Variants in SLC9A7 observed in about 807,000 individuals in gnomAD.
SLC9A7 encodes the protein solute carrier family 9 member A7.
A neutral mutation model predicts 52.6 loss-of-function variants in SLC9A7; 19 were observed. The observed-to-expected ratio is 0.36, with a 90% CI of 0.25 to 0.53. The LOEUF (loss-of-function observed/expected upper bound fraction) is 0.53, where lower values mean the gene tolerates loss of function less well. Among genes scored for constraint, SLC9A7 ranks in the 20% least tolerant of loss-of-function variants. The pLI, the probability that SLC9A7 is intolerant of heterozygous loss-of-function variation, is 0.91. For missense variants in SLC9A7, 455 were observed against 597.9 expected, an observed-to-expected ratio of 0.76 and a Z score of 2.49; for synonymous variants, 226 against 252.1, an observed-to-expected ratio of 0.90 and a Z score of 0.98.
At chrX:46,707,042 C>T (rs984802511) in intron 1 of SLC9A7, among the ~76,000 whole-genome samples, 1 of 111,561 alleles carries the variant, frequency 9.0e-6, no homozygotes, top group Non-Finnish European at 1.9e-5. Flanking sequence ...CACCCAGCCT[C>T]AGGTAAACTT....
chrX:46,694,982 C>T (rs1944429760), intron 1 of SLC9A7, among the ~76,000 whole-genome samples: 3 of 111,896 alleles, frequency 2.7e-5, no homozygotes, highest in South Asian at 7.4e-4. Flanking sequence ...CACAAAAATG[C>T]CACATATTGT....
Position 46,683,979 on chromosome X carries a change from A to G in SLC9A7, c.326-1444T>C, listed in dbSNP as rs770791995. Among the ~76,000 whole-genome samples the G allele has an allele frequency of 1.9e-3, 215 of 111,922 alleles. 1 individual carries two copies. The highest frequency in any genetic ancestry group is 3.3e-3 in the Non-Finnish European group (174 of 53,207). ...ATTGTTGAATAGCAAATAAAATATA[A>G]AATCTAGAAAAATATAGTTCTTTGA... is the stretch of plus-strand genomic sequence containing the variant. On this transcript the variant is annotated intron_variant, in intron 1 of 16. Transcript: ENST00000616978.
intron 1 of SLC9A7, among the ~76,000 whole-genome samples, chrX:46,709,183 C>T (rs1944650826): frequency 1.8e-5 from 2 of 110,986 alleles, no homozygotes; most frequent in East Asian, 2.8e-4. Context: ...GCAGGAGGAT[C>T]ACTTGAGCCC....
intron 1 of SLC9A7, among the ~76,000 whole-genome samples, chrX:46,753,883 G>A (rs1922420598): frequency 9.1e-6 from 1 of 110,067 alleles, no homozygotes; most frequent in Admixed American, 9.7e-5. Context: ...CTACTCTGGA[G>A]GCTGAGGCAG....
chrX:46,679,099 T>C (rs1944169804), intron 3 of SLC9A7, among the ~76,000 whole-genome samples: 1 of 112,061 alleles, frequency 8.9e-6, no homozygotes, highest in African/African-American at 3.2e-5. Context: ...TTGTCATTTC[T>C]ACAATGTTAT....
At chrX:46,757,782 A>G (rs2147042822) in intron 1 of SLC9A7, among the ~76,000 whole-genome samples, 1 of 110,518 alleles carries the variant, frequency 9.0e-6, no homozygotes, top group South Asian at 3.9e-4. Flanking sequence ...AGGAAGAGGG[A>G]TGACTCAGAT....
intron 7 of SLC9A7, among the ~76,000 whole-genome samples, chrX:46,659,950 C>A (rs1050686296): frequency 9.0e-6 from 1 of 110,716 alleles, no homozygotes; most frequent in Non-Finnish European, 1.9e-5. Context: ...GGAGGCATCA[C>A]GCTACCTGAC....
intron 3 of SLC9A7, among the ~76,000 whole-genome samples, chrX:46,672,920 G>A (rs1010603328): frequency 3.6e-5 from 4 of 112,018 alleles, no homozygotes; most frequent in South Asian, 7.3e-4. Flanking sequence ...TATGTTGTGC[G>A]TGTGTGTGTG....
chrX:46,715,400 A>G (rs773271263), intron 1 of SLC9A7, among the ~76,000 whole-genome samples: 1 of 111,658 alleles, frequency 9.0e-6, no homozygotes, highest in Non-Finnish European at 1.9e-5. Flanking sequence ...TTGGGTCCCT[A>G]TAACTGAACA....
rs151322843 is a variant in SLC9A7 at position 46,634,340 on chromosome X, A to T, written c.1676+1249T>A. Reference sequence around the variant, plus strand: ...ATGAATAAATACCAGAATGATATTGATAATATCATTGATAATTTCTCTGCT... The same window carrying T: ...ATGAATAAATACCAGAATGATATTGTTAATATCATTGATAATTTCTCTGCT... On this transcript the variant is annotated intron_variant, in intron 13 of 16. Transcript: ENST00000616978. Among the ~76,000 whole-genome samples, 62 of 111,845 alleles carry T rather than the reference A, an allele frequency of 5.5e-4. 3 individuals are homozygous for T. In the East Asian group the frequency reaches 0.014, roughly 25 times the overall value.
At chrX:46,753,065 C>A (rs1382415383) in intron 1 of SLC9A7, among the ~76,000 whole-genome samples, 1 of 112,164 alleles carries the variant, frequency 8.9e-6, no homozygotes, top group Non-Finnish European at 1.9e-5. Flanking sequence ...TAAAAGTATT[C>A]TTTATATCCA....
intron 1 of SLC9A7, among the ~76,000 whole-genome samples, chrX:46,753,918 G>A (rs899253213): frequency 1.8e-5 from 2 of 109,962 alleles, no homozygotes; most frequent in South Asian, 3.9e-4. Context: ...CCCAGGAGGC[G>A]GAGCTTGCAG....
intron 1 of SLC9A7, among the ~76,000 whole-genome samples, chrX:46,714,591 G>A (rs936282984): frequency 7.2e-5 from 8 of 111,049 alleles, no homozygotes; most frequent in Admixed American, 1.9e-4. Flanking sequence ...TGAGATCCCC[G>A]ACAAATATTT....
rs1942785483 is a variant in SLC9A7 at position 46,608,215 on chromosome X, C to T, written c.1930-1012G>A. Among the ~76,000 whole-genome samples the T allele has an allele frequency of 6.2e-5, 7 of 112,713 alleles. No homozygotes were observed. The South Asian group carries it at 2.6e-3, about 41-fold the overall frequency. On this transcript the variant is annotated intron_variant, in intron 16 of 16. Coordinates refer to ENST00000616978, the MANE Select transcript of SLC9A7 (RefSeq NM_001257291.2). ...AGTGACCTCCTTCTCCACACCTTGG[C>T]ACCTTCCTCAATGGTGCTTACCTCA... is the stretch of plus-strand genomic sequence containing the variant.
chrX:46,744,452 C>T (rs1252288379), intron 1 of SLC9A7, among the ~76,000 whole-genome samples: 1 of 112,336 alleles, frequency 8.9e-6, no homozygotes, highest in African/African-American at 3.2e-5. Context: ...AGAATCAATC[C>T]TTTTAATAAC....
At chrX:46,667,902 T>G (rs895761174) in intron 5 of SLC9A7, among the ~76,000 whole-genome samples, 1 of 111,990 alleles carries the variant, frequency 8.9e-6, no homozygotes, top group Non-Finnish European at 1.9e-5. Context: ...TTTTGTTTGT[T>G]TTGAGCTGCA....
At chrX:46,732,865 A>G (rs1172722704) in intron 1 of SLC9A7, among the ~76,000 whole-genome samples, 1 of 112,105 alleles carries the variant, frequency 8.9e-6, no homozygotes, top group Non-Finnish European at 1.9e-5. Flanking sequence ...ACATCCAAAC[A>G]ATAGAATACC....
chrX:46,749,847 G>A (rs1197385283), intron 1 of SLC9A7, among the ~76,000 whole-genome samples: 2 of 111,123 alleles, frequency 1.8e-5, no homozygotes, highest in African/African-American at 3.3e-5. Context: ...TTGGGAGGCC[G>A]AGGTGGGCAG....
At chrX:46,633,424 T>C (rs1018059587) in intron 13 of SLC9A7, among the ~76,000 whole-genome samples, 6 of 99,132 alleles carry the variant, frequency 6.1e-5, no homozygotes, top group Non-Finnish European at 1.2e-4. Flanking sequence ...TGCACTTTTT[T>C]TCCCCTATTC....
Sources: allele counts gnomAD v4.1 joint callset (sites outside exome capture counted in the v4.1 genomes callset), GRCh38; gene constraint gnomAD v4.1.1; transcripts MANE v1.5; gene names NCBI Gene and HGNC (gene_info 2026-07-23, HGNC 2026-07-21).